Variants in PNLDC1 observed in about 807,000 individuals in gnomAD.
PNLDC1 encodes the protein PARN like ribonuclease domain containing exonuclease 1, also known as poly(A)-specific ribonuclease PNLDC1.
Under a neutral mutation model 82.0 loss-of-function variants are expected in PNLDC1, and 70 were observed. The observed-to-expected ratio is 0.85, with a 90% CI of 0.70 to 1.04. The LOEUF (loss-of-function observed/expected upper bound fraction) is 1.04, where lower values mean the gene tolerates loss of function less well. Ranked by LOEUF, PNLDC1 falls within the 50% of genes least tolerant of loss-of-function variation. The pLI is 0.00. For synonymous variants in PNLDC1, 280 were observed against 249.3 expected, an observed-to-expected ratio of 1.12 and a Z score of -1.16; for missense variants, 631 against 661.1, an observed-to-expected ratio of 0.95 and a Z score of 0.50.
Position 159,812,983 on chromosome 6 carries a change from C to G in PNLDC1, c.940-618C>G, listed in dbSNP as rs183055061. Among the ~76,000 whole-genome samples, 547 of 152,212 alleles carry G rather than the reference C, an allele frequency of 3.6e-3. 3 individuals are homozygous for G. Among genetic ancestry groups the G allele is most frequent in the Admixed American group, 3.7e-3 (57 of 15,290 alleles). On this transcript the variant is annotated intron_variant, in intron 11 of 18. Transcript: ENST00000392167. ...AGATTGCAGTGAGCCGAGATTGCAC[C>G]CCTGTATTCCAGCCTGGGCAACAGA...
At chr6:159,799,628 A>G (rs1022221728), upstream of PNLDC1, among the ~76,000 whole-genome samples, 84 of 152,176 alleles carry the variant, frequency 5.5e-4, no homozygotes, top group African/African-American at 1.7e-3. Context: ...TAACAAAAGT[A>G]AAAATTAAGC....
rs2115068794 is a variant in PNLDC1 at position 159,820,540 on chromosome 6, C to T, written c.*23C>T. On this transcript the variant is annotated 3_prime_UTR_variant, in exon 19 of 19. Transcript: ENST00000392167. ...TGAGTGCAGCGAGGCCTCCTGCGGCCACCCTCGGGTCCCCATGCTCTCTGG... is the reference window on the plus strand; with the variant it reads ...TGAGTGCAGCGAGGCCTCCTGCGGCTACCCTCGGGTCCCCATGCTCTCTGG... 6.2e-7 allele frequency: 1 copy of T among 1,611,802 alleles called. No individual in the cohort carries two copies. Among genetic ancestry groups the T allele is most frequent in the African/African-American group, 1.3e-5 (1 of 74,990 alleles).
At chr6:159,815,007 C>A (rs998915172) in intron 12 of PNLDC1, among the ~76,000 whole-genome samples, 74 of 152,320 alleles carry the variant, frequency 4.9e-4, no homozygotes, top group African/African-American at 1.7e-3. Context: ...AGGCTAAGCA[C>A]GTGAGGTTCC....
chr6:159,819,027 C>T lies in PNLDC1; in HGVS notation c.1339C>T (p.Gln447Ter). The T allele has an allele frequency of 6.2e-7, 1 of 1,614,066 alleles. No individual in the cohort carries two copies. Among genetic ancestry groups the T allele is most frequent in the Non-Finnish European group, 8.5e-7 (1 of 1,180,016 alleles). The part of the protein sequence containing the change: ...SVKRWPGVSE[Q>*]QVYHKFQNLC... ...CAAAAGGTGGCCTGGGGTCAGCGAG[C>T]AGCAAGTCTACCATAAGTTTCAGAA... Residue 447 changes from glutamine to a stop codon, truncating the protein, a stop_gained, in exon 17 of 19, where the codon CAG becomes TAG. Coordinates refer to ENST00000392167, the MANE Select transcript of PNLDC1 (RefSeq NM_001271862.2). LOFTEE classifies it high-confidence loss of function. The surrounding 1 kb of genome is among the most constrained non-coding windows in gnomAD (Gnocchi z 4.6).
chr6:159,806,160 C>T, intron 7 of PNLDC1, 77 bp downstream of exon 7: 1 of 1,137,618 alleles, frequency 8.8e-7, no homozygotes, highest in Non-Finnish European at 1.3e-6. Context: ...GGGGGAAACA[C>T]ACCCTTTCTT....
At chr6:159,806,742 T>C (rs929225370) in intron 7 of PNLDC1, among the ~76,000 whole-genome samples, 13 of 152,230 alleles carry the variant, frequency 8.5e-5, no homozygotes, top group African/African-American at 3.1e-4. Flanking sequence ...AATCTCAATC[T>C]TTTGATTACT....
intron 6 of PNLDC1, chr6:159,805,676 G>C (rs140313258): frequency 3.6e-6 from 1 of 281,602 alleles, no homozygotes; most frequent in Non-Finnish European, 7.1e-6. Flanking sequence ...GAATAAAGAA[G>C]ACGGTCCTGA....
In PNLDC1 at chr6:159,819,550, A is replaced by T. The variant is rs186967567; in HGVS notation, c.1532+198A>T. Among the ~76,000 whole-genome samples, 100 of 152,328 alleles carry T rather than the reference A, an allele frequency of 6.6e-4. 1 individual carries two copies. The South Asian group carries it at 7.7e-3, about 12-fold the overall frequency. On this transcript the variant is annotated intron_variant, in intron 18 of 18. Transcript: ENST00000392167. The surrounding 1 kb of genome is among the most constrained non-coding windows in gnomAD (Gnocchi z 4.6). ...TCGAGCACCTGCTGTGCTGGGCACC[A>T]TCGTAGTTCTAGGGCCTCGTCAGTG...
In PNLDC1 at chr6:159,819,815, C is replaced by G. The variant is rs998701847; in HGVS notation, c.1532+463C>G. Reference sequence around the variant, plus strand: ...CAGTCAGGAGGTGCCCGGAGTGTCACGGGGAGAGGCCATTGTGAGCAAAAC... The same window carrying G: ...CAGTCAGGAGGTGCCCGGAGTGTCAGGGGGAGAGGCCATTGTGAGCAAAAC... On this transcript the variant is annotated intron_variant, in intron 18 of 18. Coordinates refer to ENST00000392167, the MANE Select transcript of PNLDC1 (RefSeq NM_001271862.2). This position sits in a 1 kb window ranked among gnomAD's most constrained non-coding sequence, Gnocchi z 4.6. Among the ~76,000 whole-genome samples the G allele has an allele frequency of 2.6e-4, 40 of 151,842 alleles. No individual in the cohort carries two copies. Among genetic ancestry groups the G allele is most frequent in the Admixed American group, 2.6e-3 (39 of 15,250 alleles).
intron 1 of PNLDC1, 50 bp downstream of exon 1, chr6:159,800,433 G>A (rs764843987): frequency 6.6e-7 from 1 of 1,524,272 alleles, no homozygotes; most frequent in Non-Finnish European, 8.9e-7. Flanking sequence ...CCTTGCCCCG[G>A]GCGAGCTTGA....
intron 11 of PNLDC1, 133 bp from the exon 12 acceptor site, chr6:159,813,468 C>T: frequency 2.6e-6 from 2 of 764,010 alleles, no homozygotes; most frequent in South Asian, 1.6e-5. Context: ...ATGGTTGCAC[C>T]ATTTGAAGAG....
chr6:159,804,394 G>T (rs987943322), intron 5 of PNLDC1, among the ~76,000 whole-genome samples, 155 bp from the exon 6 acceptor site: 2 of 152,116 alleles, frequency 1.3e-5, no homozygotes, highest in Admixed American at 6.5e-5. Context: ...ATGAGCCACC[G>T]CACCCGGCCT....
rs1405115429 is a variant in PNLDC1 at position 159,819,113 on chromosome 6, G to A, written c.1425G>A (p.Lys475=). Residue 475 remains lysine, a synonymous_variant, in exon 17 of 19, where the codon AAG becomes AAA. Transcript: ENST00000392167. The surrounding 1 kb of genome is among the most constrained non-coding windows in gnomAD (Gnocchi z 4.6). The part of the protein sequence containing the change: ...TRSQFLLLTN[K]FKDARNILKE... Reference sequence around the variant, plus strand: ...GCCAGTTCTTACTCCTGACCAATAAGTTTAAGGAGTAGGTGCCTCTAAGTC... The same window carrying A: ...GCCAGTTCTTACTCCTGACCAATAAATTTAAGGAGTAGGTGCCTCTAAGTC... 4 of 1,613,954 alleles carry A rather than the reference G, an allele frequency of 2.5e-6. No individual in the cohort carries two copies. Among genetic ancestry groups the A allele is most frequent in the East Asian group, 4.5e-5 (2 of 44,870 alleles).
rs1050673094 is a variant in PNLDC1 at position 159,819,290 on chromosome 6, G to A, written c.1470G>A (p.Pro490=). The A allele has an allele frequency of 8.1e-6, 13 of 1,613,870 alleles. No homozygotes were observed. The highest frequency in any genetic ancestry group is 1.6e-4 in the Middle Eastern group (1 of 6,062). The change falls in exon 18 of 19, where the codon CCG becomes CCA. Residue 490 remains proline (P), a synonymous_variant. Coordinates refer to ENST00000392167, the MANE Select transcript of PNLDC1 (RefSeq NM_001271862.2). The surrounding 1 kb of genome is among the most constrained non-coding windows in gnomAD (Gnocchi z 4.6). ...RNILKEYRDH[P]TLCISLYRYW... Reference sequence around the variant, plus strand: ...TCCTGAAGGAGTACCGGGACCACCCGACCCTGTGCATCTCCCTGTACCGCT... The same window carrying A: ...TCCTGAAGGAGTACCGGGACCACCCAACCCTGTGCATCTCCCTGTACCGCT...
intron 11 of PNLDC1, 49 bp downstream of exon 11, chr6:159,811,835 T>A: frequency 7.6e-7 from 1 of 1,308,526 alleles, no homozygotes; most frequent in Non-Finnish European, 1.1e-6. Flanking sequence ...TCCATACCAG[T>A]AACACTTAGC....
chr6:159,817,013 A>C, intron 14 of PNLDC1, 96 bp from the exon 15 acceptor site: 1 of 1,282,986 alleles, frequency 7.8e-7, no homozygotes, highest in Non-Finnish European at 1.1e-6. Flanking sequence ...CCTAGATTCT[A>C]CATTTATTTC....
chr6:159,815,944 T>TTC (rs1781799277), intron 12 of PNLDC1, 25 bp from the exon 13 acceptor site: 6 of 1,592,292 alleles, frequency 3.8e-6, no homozygotes, highest in Admixed American at 1.7e-5. Flanking sequence ...AAATTGTTTT[T>TTC]TATTCTATTT....
intron 13 of PNLDC1, 39 bp from the exon 14 acceptor site, chr6:159,816,504 C>T (rs765703717): frequency 1.0e-5 from 16 of 1,602,230 alleles, no homozygotes; most frequent in Non-Finnish European, 1.2e-5. Flanking sequence ...TTTCTAATGA[C>T]TGCTCAATTC....
intron 8 of PNLDC1, 69 bp downstream of exon 8, chr6:159,808,885 C>A: frequency 6.3e-7 from 1 of 1,596,794 alleles, no homozygotes; most frequent in South Asian, 1.1e-5. Context: ...CCAAATCTGG[C>A]CTCTGAAAAG....
Sources: allele counts gnomAD v4.1 joint callset (sites outside exome capture counted in the v4.1 genomes callset), GRCh38; gene constraint gnomAD v4.1.1; non-coding constraint Gnocchi (gnomAD v3.1); transcripts MANE v1.5; gene names NCBI Gene and HGNC (gene_info 2026-07-23, HGNC 2026-07-21).